FER: variants seen among roughly 807,000 people sequenced by gnomAD.
FER encodes the protein FER tyrosine kinase.
Under a neutral mutation model 111.0 loss-of-function variants are expected in FER, and 63 were observed. The ratio of observed to expected loss-of-function variants is 0.57; its 90% confidence interval spans 0.46 to 0.70. The LOEUF is 0.70. Ranked by LOEUF, FER falls within the 30% of genes least tolerant of loss-of-function variation. The pLI is 0.00. For missense variants in FER, 914 were observed against 954.0 expected, an observed-to-expected ratio of 0.96 and a Z score of 0.55; for synonymous variants, 327 against 313.9, an observed-to-expected ratio of 1.04 and a Z score of -0.44.
chr5:109,055,595 G>A, intron 16 of FER, among the ~76,000 whole-genome samples: 1 of 151,844 alleles, frequency 6.6e-6, no homozygotes, highest in African/African-American at 2.4e-5. Flanking sequence ...GACCAGCCTG[G>A]GCAACGTAGT....
At chr5:108,781,949 A>C (rs960639053) in intron 2 of FER, among the ~76,000 whole-genome samples, 1 of 151,636 alleles carries the variant, frequency 6.6e-6, no homozygotes, top group East Asian at 1.9e-4. Flanking sequence ...CCTGTCATAC[A>C]TACTGTGAGA....
intron 16 of FER, among the ~76,000 whole-genome samples, chr5:109,060,127 A>G (rs1024824786): frequency 6.6e-6 from 1 of 152,216 alleles, no homozygotes; most frequent in African/African-American, 2.4e-5. Context: ...ATCTATAGAA[A>G]AAGAAAGATT....
chr5:108,826,836 G>A (rs960010856), intron 3 of FER, among the ~76,000 whole-genome samples: 4 of 152,146 alleles, frequency 2.6e-5, no homozygotes, highest in Non-Finnish European at 4.4e-5. Context: ...GGTTGTATTT[G>A]TTTTTATTCC....
At chr5:109,049,754 A>C (rs1211750163) in intron 16 of FER, among the ~76,000 whole-genome samples, 1 of 152,198 alleles carries the variant, frequency 6.6e-6, no homozygotes, top group Non-Finnish European at 1.5e-5. Context: ...ATGCAAGTAG[A>C]AAAGTGTCAT....
chr5:108,756,663 T>C (rs1265847476), intron 1 of FER, among the ~76,000 whole-genome samples: 1 of 152,096 alleles, frequency 6.6e-6, no homozygotes, highest in East Asian at 1.9e-4. Context: ...GATAGATCAG[T>C]ATTTCAATTA....
At chr5:109,016,343 A>C (rs975520541) in intron 13 of FER, among the ~76,000 whole-genome samples, 1 of 152,042 alleles carries the variant, frequency 6.6e-6, no homozygotes, top group Non-Finnish European at 1.5e-5. Flanking sequence ...GTTTCTGAGT[A>C]GTTCAAGATT....
rs186117760 is a variant in FER, at chr5:109,036,406, G to A, written c.1657-1016G>A. On this transcript the variant is annotated intron_variant, in intron 13 of 19. Coordinates refer to ENST00000281092, the MANE Select transcript of FER (RefSeq NM_005246.4). Reference sequence around the variant, plus strand: ...GCCACATGGTATTTCAGAAGGTAAAGCACTTCAAATAACTGTCCAGGACAT... The same window carrying A: ...GCCACATGGTATTTCAGAAGGTAAAACACTTCAAATAACTGTCCAGGACAT... Among the ~76,000 whole-genome samples the A allele has an allele frequency of 7.6e-3, 1,149 of 152,120 alleles. 11 individuals are homozygous for A. Among genetic ancestry groups the A allele is most frequent in the African/African-American group, 0.027 (1,122 of 41,526 alleles).
At chr5:108,990,948 C>T (rs1174579862) in intron 13 of FER, among the ~76,000 whole-genome samples, 1 of 151,484 alleles carries the variant, frequency 6.6e-6, no homozygotes, top group Non-Finnish European at 1.5e-5. Context: ...ACTTATGAAG[C>T]AAGAAATAAG....
chr5:109,112,601 T>G (rs1195933186), intron 17 of FER, among the ~76,000 whole-genome samples: 1 of 152,174 alleles, frequency 6.6e-6, no homozygotes, highest in Non-Finnish European at 1.5e-5. Flanking sequence ...CATATTTCCA[T>G]CTTTAACATT....
chr5:109,086,622 A>C (rs769035055), intron 16 of FER, among the ~76,000 whole-genome samples: 1 of 151,278 alleles, frequency 6.6e-6, no homozygotes, highest in African/African-American at 2.4e-5. Flanking sequence ...ATTAATTTTC[A>C]TTCCTATCCT....
At chr5:109,173,119 A>T (rs866574814) in intron 17 of FER, among the ~76,000 whole-genome samples, 1 of 152,338 alleles carries the variant, frequency 6.6e-6, no homozygotes, top group East Asian at 1.9e-4. Context: ...TAAATGTCCA[A>T]CCAGAATTCT....
At chr5:108,836,994 A>G (rs1358935177) in intron 5 of FER, among the ~76,000 whole-genome samples, 2 of 152,150 alleles carry the variant, frequency 1.3e-5, no homozygotes, top group Non-Finnish European at 2.9e-5. Flanking sequence ...CTCAGCCAAG[A>G]CTTTGAGATT....
At chr5:109,062,998 C>T (rs1313794642) in intron 16 of FER, among the ~76,000 whole-genome samples, 1 of 152,120 alleles carries the variant, frequency 6.6e-6, no homozygotes, top group African/African-American at 2.4e-5. Context: ...ATTTATCTCA[C>T]CTCTGTAACA....
intron 17 of FER, among the ~76,000 whole-genome samples, chr5:109,104,196 C>T (rs1005482564): frequency 2.6e-5 from 4 of 152,168 alleles, no homozygotes; most frequent in African/African-American, 4.8e-5. Flanking sequence ...AACAACTTTA[C>T]AAATTAAAGT....
intron 5 of FER, among the ~76,000 whole-genome samples, chr5:108,853,976 G>A (rs1021541322): frequency 1.3e-5 from 2 of 152,190 alleles, no homozygotes; most frequent in African/African-American, 4.8e-5. Flanking sequence ...GGTCATGCTG[G>A]TTTGGACCTG....
chr5:109,038,872 A>G (rs985066337), intron 14 of FER, among the ~76,000 whole-genome samples: 1 of 151,982 alleles, frequency 6.6e-6, no homozygotes, highest in African/African-American at 2.4e-5. Context: ...AAATATTTCT[A>G]TTTTTGTGTT....
At position 108,993,405 on chromosome 5, in the gene FER, C is replaced by T. The variant is rs527801681; in HGVS notation, c.1656+34058C>T. The stretch of plus-strand genomic sequence containing the variant: ...AATACGAAAACCAGTCAGGCGTGGC[C>T]GCGCGCGCCTGCAATCGCAGGCACT... On this transcript the variant is annotated intron_variant, in intron 13 of 19. Coordinates refer to ENST00000281092, the MANE Select transcript of FER (RefSeq NM_005246.4). 7.9e-3 allele frequency among the ~76,000 whole-genome samples: 1,194 copies of T among 152,050 alleles called. 13 individuals are homozygous for T. The highest frequency in any genetic ancestry group is 0.027 in the African/African-American group (1,132 of 41,320).
At chr5:109,055,985 A>G (rs1230698561) in intron 16 of FER, among the ~76,000 whole-genome samples, 4 of 152,222 alleles carry the variant, frequency 2.6e-5, no homozygotes, top group African/African-American at 9.6e-5. Context: ...GGTGCTCAAC[A>G]TTATTAATCA....
At chr5:109,047,311 A>T in intron 16 of FER, 113 bp downstream of exon 16, 1 of 612,078 alleles carries the variant, frequency 1.6e-6, no homozygotes, top group Non-Finnish European at 2.8e-6. Flanking sequence ...ATTTTGTTTA[A>T]CATTTCCAGA....
Sources: allele counts gnomAD v4.1 joint callset (sites outside exome capture counted in the v4.1 genomes callset), GRCh38; gene constraint gnomAD v4.1.1; transcripts MANE v1.5; gene names NCBI Gene and HGNC (gene_info 2026-07-23, HGNC 2026-07-21).